Variants in PCDHA6 observed in about 807,000 individuals in gnomAD.
PCDHA6 encodes the protein protocadherin alpha 6.
A neutral mutation model predicts 60.3 loss-of-function variants in PCDHA6; 55 were observed. The observed-to-expected ratio is 0.91, with a 90% confidence interval of 0.73 to 1.14. PCDHA6 has a LOEUF of 1.14. Ranked by LOEUF, PCDHA6 falls within the 50% of genes most tolerant of loss-of-function variation. PCDHA6 has a pLI of 0.00. For missense variants in PCDHA6, 1,327 were observed against 1,256.5 expected (o/e 1.06, Z -0.85); for synonymous variants, 652 against 557.9 (o/e 1.17, Z -2.38).
intron 1 of PCDHA6, among the ~76,000 whole-genome samples, chr5:140,918,659 G>A (rs1584109247): frequency 6.6e-6 from 1 of 152,172 alleles, no homozygotes; most frequent in Non-Finnish European, 1.5e-5. Context: ...TTCTCATGTT[G>A]ATGGTATGAA....
intron 1 of PCDHA6, among the ~76,000 whole-genome samples, chr5:140,917,726 G>A (rs1192405804): frequency 6.6e-6 from 1 of 152,114 alleles, no homozygotes; most frequent in Admixed American, 6.6e-5. Flanking sequence ...TTATTTCTGG[G>A]TTCTCTAACC....
At chr5:140,876,459 C>T (rs2056359218) in intron 1 of PCDHA6, 1 of 1,613,878 alleles carries the variant, frequency 6.2e-7, no homozygotes, top group Non-Finnish European at 8.5e-7. Flanking sequence ...GGATTCCTTC[C>T]ATGGCAGGTC....
intron 1 of PCDHA6, among the ~76,000 whole-genome samples, chr5:140,875,022 C>T (rs1267699693): frequency 6.6e-6 from 1 of 152,116 alleles, no homozygotes; most frequent in Non-Finnish European, 1.5e-5. Context: ...TAGGTTCTGG[C>T]CTACTGTATT....
At chr5:140,875,590 A>G (rs1554167782) in intron 1 of PCDHA6, 4 of 1,613,992 alleles carry the variant, frequency 2.5e-6, no homozygotes, top group Non-Finnish European at 3.4e-6. Flanking sequence ...CGAGGAGGCC[A>G]AACACGGCAC....
At chr5:140,928,194 A>G in intron 1 of PCDHA6, 2 of 1,614,204 alleles carry the variant, frequency 1.2e-6, no homozygotes, top group East Asian at 2.2e-5. Context: ...TCACTGTGTC[A>G]GTTGCTGATG....
Position 140,830,348 on chromosome 5 carries a change from C to G in PCDHA6, c.2257C>G (p.Gln753Glu). The change falls in exon 1 of 4, where the codon CAG becomes GAG. Residue 753 changes from glutamine (Q) to glutamate (E), a missense_variant. By Grantham distance (29) the Gln-to-Glu change is conservative. Transcript: ENST00000529310. The stretch of plus-strand genomic sequence containing the variant: ...AGTGGGGAGCTGGTCGTACTCGCAG[C>G]AGAGGCGGCAGAGGGTGTGCTCCGG... ...SAVGSWSYSQ[Q>E]RRQRVCSGEG... is the part of the protein sequence containing the mutation. 6.2e-7 allele frequency: 1 copy of G among 1,614,076 alleles called. No homozygotes were observed. The highest frequency in any genetic ancestry group is 8.5e-7 in the Non-Finnish European group (1 of 1,179,984).
rs113486331 is a variant in PCDHA6, at chr5:140,935,958, T to C, written c.2395-42991T>C. ...CCCAGGCTGGAGTAAAGTGGTACAATCTTGGCTCACTGCAATCTCTGCCTC... is the reference window on the plus strand; with the variant it reads ...CCCAGGCTGGAGTAAAGTGGTACAACCTTGGCTCACTGCAATCTCTGCCTC... On this transcript the variant is annotated intron_variant, in intron 1 of 3. Coordinates refer to ENST00000529310, the MANE Select transcript of PCDHA6 (RefSeq NM_018909.4). Among the ~76,000 whole-genome samples the C allele has an allele frequency of 4.3e-3, 649 of 149,438 alleles. 7 individuals are homozygous for C. The highest frequency in any genetic ancestry group is 0.015 in the African/African-American group (604 of 40,738).
chr5:140,863,148 G>A (rs782014665), intron 1 of PCDHA6: 1 of 616,420 alleles, frequency 1.6e-6, no homozygotes, highest in Non-Finnish European at 3.1e-6. Context: ...TGCTGGTGAA[G>A]GACCACTGCG....
At chr5:140,997,264 A>G (rs1554255813) in intron 3 of PCDHA6, among the ~76,000 whole-genome samples, 3 of 152,154 alleles carry the variant, frequency 2.0e-5, no homozygotes. Context: ...CACTCTTCCA[A>G]ATATTTCTTG....
chr5:140,968,714 G>A, intron 1 of PCDHA6: 1 of 1,614,150 alleles, frequency 6.2e-7, no homozygotes, highest in South Asian at 1.1e-5. Flanking sequence ...GAAGATGGGA[G>A]ATGAGAGTGG....
intron 1 of PCDHA6, chr5:140,854,171 A>AAAAAC (rs2043016661): frequency 1.5e-5 from 10 of 677,894 alleles, no homozygotes; most frequent in Non-Finnish European, 1.8e-5. Context: ...AAAAAAAAAA[A>AAAAAC]AAAAAGAGTA....
At chr5:140,988,501 A>G (rs966150033) in intron 3 of PCDHA6, among the ~76,000 whole-genome samples, 3 of 152,164 alleles carry the variant, frequency 2.0e-5, no homozygotes, top group Non-Finnish European at 2.9e-5. Context: ...AGGAGAAGCC[A>G]TGAAGCTTAC....
chr5:140,843,456 T>G (rs2150360448), intron 1 of PCDHA6: 3 of 1,595,898 alleles, frequency 1.9e-6, no homozygotes, highest in Admixed American at 3.4e-5. Flanking sequence ...AGCCTGCTGG[T>G]GCTCACGCTG....
At chr5:140,964,910 A>G (rs1474342229) in intron 1 of PCDHA6, among the ~76,000 whole-genome samples, 2 of 152,206 alleles carry the variant, frequency 1.3e-5, no homozygotes, top group African/African-American at 4.8e-5. Context: ...CTTCTCTGGA[A>G]TAACACTGGC....
intron 1 of PCDHA6, among the ~76,000 whole-genome samples, chr5:140,873,677 T>A (rs1358245351): frequency 6.6e-6 from 1 of 152,212 alleles, no homozygotes; most frequent in African/African-American, 2.4e-5. Flanking sequence ...TTGTTTCTTT[T>A]TGAGATAGAG....
At chr5:140,915,204 C>T (rs2077022161) in intron 1 of PCDHA6, among the ~76,000 whole-genome samples, 1 of 152,236 alleles carries the variant, frequency 6.6e-6, no homozygotes, top group East Asian at 1.9e-4. Flanking sequence ...ATCTTGGCCT[C>T]CCAAAGTGCT....
At chr5:140,977,126 T>C (rs782356713) in intron 1 of PCDHA6, among the ~76,000 whole-genome samples, 27 of 152,240 alleles carry the variant, frequency 1.8e-4, no homozygotes, top group Admixed American at 4.6e-4. Context: ...GAACTGAGTT[T>C]CCTGGTCAGT....
intron 1 of PCDHA6, chr5:140,884,110 G>A: frequency 6.2e-7 from 1 of 1,613,438 alleles, no homozygotes; most frequent in Non-Finnish European, 8.5e-7. Flanking sequence ...TGCAGCTGGC[G>A]GCGGTCGGCG....
At chr5:140,952,104 C>T (rs1009516552) in intron 1 of PCDHA6, among the ~76,000 whole-genome samples, 3 of 152,102 alleles carry the variant, frequency 2.0e-5, no homozygotes, top group South Asian at 2.1e-4. Flanking sequence ...AGGGCACACT[C>T]GTGTGAGGGA....
Sources: gnomAD v4.1 joint callset for allele counts (sites outside exome capture counted in the v4.1 genomes callset) on GRCh38, gnomAD v4.1.1 for gene constraint, MANE v1.5 for transcripts, NCBI Gene and HGNC (gene_info 2026-07-23, HGNC 2026-07-21) for gene names.